The following FIG4 variants were observed in gnomAD, a reference collection of about 807,000 sequenced individuals.
FIG4 encodes polyphosphoinositide phosphatase.
In FIG4, 112 loss-of-function variants were observed where a neutral mutation model predicts 118.6. The observed-to-expected ratio is 0.94, with a 90% CI of 0.81 to 1.11. The LOEUF (loss-of-function observed/expected upper bound fraction) is 1.11, where lower values mean the gene tolerates loss of function less well. Among genes scored for constraint, FIG4 ranks in the 50% least tolerant of loss-of-function variants. FIG4 has a pLI of 0.00. For synonymous variants in FIG4, 369 were observed against 381.2 expected, an observed-to-expected ratio of 0.97 and a Z score of 0.37; for missense variants, 969 against 1,111.7, an observed-to-expected ratio of 0.87 and a Z score of 1.83.
At chr6:109,818,857 C>A (rs1299215485) in intron 22 of FIG4, among the ~76,000 whole-genome samples, 2 of 152,182 alleles carry the variant, frequency 1.3e-5, no homozygotes, top group African/African-American at 4.8e-5. Flanking sequence ...CAGGTAGAAC[C>A]TAAATTGCAT....
At chr6:109,694,271 G>A (rs1774639931) in intron 1 of FIG4, among the ~76,000 whole-genome samples, 1 of 152,200 alleles carries the variant, frequency 6.6e-6, no homozygotes, top group Non-Finnish European at 1.5e-5. Context: ...ACTCCCACAA[G>A]CTTAGCGTTC....
At chr6:109,733,008 G>C (rs1776052720) in intron 5 of FIG4, among the ~76,000 whole-genome samples, 2 of 152,128 alleles carry the variant, frequency 1.3e-5, no homozygotes, top group South Asian at 2.1e-4. Flanking sequence ...TGTAATAAGA[G>C]TTGTAACAAT....
At chr6:109,702,625 T>C (rs1238090933) in intron 1 of FIG4, among the ~76,000 whole-genome samples, 7 of 151,966 alleles carry the variant, frequency 4.6e-5, no homozygotes. Flanking sequence ...GCATGCCTGA[T>C]CTATGGAAAT....
At chr6:109,764,086 G>A in intron 13 of FIG4, 104 bp downstream of exon 13, 1 of 745,708 alleles carries the variant, frequency 1.3e-6, no homozygotes. Context: ...ATTTAATGCA[G>A]AATTATTATT....
At chr6:109,759,354 T>C (rs2357226) in intron 10 of FIG4, among the ~76,000 whole-genome samples, 70,382 of 151,926 alleles carry the variant, frequency 0.46, 17,757 homozygotes, top group African/African-American at 0.67. Context: ...CACCATGGCA[T>C]GTGTATACCT....
intron 7 of FIG4, among the ~76,000 whole-genome samples, chr6:109,740,684 A>G (rs1776296768): frequency 6.6e-6 from 1 of 152,174 alleles, no homozygotes; most frequent in South Asian, 2.1e-4. Flanking sequence ...ATTATTCATA[A>G]TTGAAACAGC....
At position 109,743,280 on chromosome 6, in the gene FIG4, G is replaced by A. The variant is rs2128386984; in HGVS notation, c.1039+8G>A. On this transcript the variant is annotated splice_region_variant and intron_variant, in intron 9 of 22. Coordinates refer to ENST00000230124, the MANE Select transcript of FIG4 (RefSeq NM_014845.6). ...CTAAACCACCTATTACATGTGTGTG[G>A]AGCCATGTTTTTAATAATAACTCCT... is the stretch of plus-strand genomic sequence containing the variant. 6.2e-7 allele frequency: 1 copy of A among 1,611,404 alleles called. No homozygotes were observed. The highest frequency in any genetic ancestry group is 8.5e-7 in the Non-Finnish European group (1 of 1,177,976).
intron 22 of FIG4, among the ~76,000 whole-genome samples, chr6:109,817,936 T>C (rs1778904849): frequency 6.6e-6 from 1 of 152,222 alleles, no homozygotes; most frequent in South Asian, 2.1e-4. Flanking sequence ...GGATTTTAGG[T>C]AGCTTTCAGG....
intron 1 of FIG4, among the ~76,000 whole-genome samples, chr6:109,692,103 A>G (rs1268531270): frequency 6.6e-6 from 1 of 152,108 alleles, no homozygotes. Context: ...TTAAAATTTT[A>G]TTACTTTGAA....
intron 10 of FIG4, among the ~76,000 whole-genome samples, chr6:109,755,170 A>G (rs1424613520): frequency 2.0e-5 from 3 of 150,212 alleles, no homozygotes; most frequent in Non-Finnish European, 4.5e-5. Context: ...GAACATCTTT[A>G]TTTCTGCCTT....
intron 16 of FIG4, among the ~76,000 whole-genome samples, chr6:109,782,868 C>T (rs1777846041): frequency 6.6e-6 from 1 of 152,200 alleles, no homozygotes; most frequent in African/African-American, 2.4e-5. Flanking sequence ...TCACTTACAA[C>T]ACATCTCGAT....
At chr6:109,741,075 A>C (rs1776309601) in intron 7 of FIG4, among the ~76,000 whole-genome samples, 1 of 152,078 alleles carries the variant, frequency 6.6e-6, no homozygotes, top group Non-Finnish European at 1.5e-5. Context: ...ACACGTGGGG[A>C]TTACAATTCG....
intron 3 of FIG4, 69 bp from the exon 4 acceptor site, chr6:109,727,040 T>C: frequency 8.3e-7 from 1 of 1,206,938 alleles, no homozygotes; most frequent in Non-Finnish European, 1.2e-6. Flanking sequence ...TCTTTGGCCT[T>C]TTAAATAGGC....
chr6:109,718,308 A>G (rs776846102), intron 3 of FIG4, among the ~76,000 whole-genome samples: 5 of 152,164 alleles, frequency 3.3e-5, no homozygotes, highest in African/African-American at 1.2e-4. Flanking sequence ...ATCTCCAACA[A>G]TGGAGGATTA....
At chr6:109,788,665 G>T (rs1006913388) in intron 18 of FIG4, among the ~76,000 whole-genome samples, 1 of 152,202 alleles carries the variant, frequency 6.6e-6, no homozygotes, top group Non-Finnish European at 1.5e-5. Flanking sequence ...AAATGAAAAC[G>T]ATCAATTGTG....
intron 15 of FIG4, among the ~76,000 whole-genome samples, chr6:109,776,677 G>A (rs1777626563): frequency 6.6e-6 from 1 of 152,126 alleles, no homozygotes; most frequent in Non-Finnish European, 1.5e-5. Context: ...TCAACAAGCA[G>A]TTTATGTTCG....
Position 109,692,064 on chromosome 6 carries a change from C to G in FIG4, c.66+563C>G, listed in dbSNP as rs538437174. On this transcript the variant is annotated intron_variant, in intron 1 of 22. Coordinates refer to ENST00000230124, the MANE Select transcript of FIG4 (RefSeq NM_014845.6). ...TGTTTGGATAACATCTTGCTTTTCA[C>G]TTGACTTTTTTCAACATAACATTTA... Among the ~76,000 whole-genome samples, 3 of 152,238 alleles carry G rather than the reference C, an allele frequency of 2.0e-5. No homozygotes were observed. In the East Asian group the frequency reaches 5.8e-4, roughly 29 times the overall value.
intron 1 of FIG4, among the ~76,000 whole-genome samples, chr6:109,711,407 C>A (rs1240388207): frequency 2.0e-5 from 3 of 151,794 alleles, no homozygotes; most frequent in Admixed American, 6.6e-5. Context: ...TCAAAAAAAA[C>A]AAAAAACAAA....
At chr6:109,705,868 G>T (rs1278911411) in intron 1 of FIG4, among the ~76,000 whole-genome samples, 1 of 152,090 alleles carries the variant, frequency 6.6e-6, no homozygotes, top group African/African-American at 2.4e-5. Flanking sequence ...AAATTCTAGG[G>T]AATTTCATTT....
Sources: allele counts gnomAD v4.1 joint callset (sites outside exome capture counted in the v4.1 genomes callset), GRCh38; gene constraint gnomAD v4.1.1; transcripts MANE v1.5; gene names NCBI Gene and HGNC (gene_info 2026-07-23, HGNC 2026-07-21).